Variants in NELL2 observed in about 807,000 individuals in gnomAD.
NELL2 encodes neural EGFL like 2.
In NELL2, 41 loss-of-function variants were observed where a neutral mutation model predicts 109.6. The observed-to-expected ratio is 0.37, with a 90% CI of 0.29 to 0.49. The LOEUF is 0.49. Among genes scored for constraint, NELL2 ranks in the 20% least tolerant of loss-of-function variants. NELL2 has a pLI of 0.98. For synonymous variants in NELL2, 355 were observed against 344.7 expected, an observed-to-expected ratio of 1.03 and a Z score of -0.33; for missense variants, 900 against 1,008.3, an observed-to-expected ratio of 0.89 and a Z score of 1.45.
At position 44,644,631 on chromosome 12, in the gene NELL2, C is replaced by T. The variant is rs35671073; in HGVS notation, c.1444+20853G>A. ...ATGTATATATATATATATATACATA[C>T]ATATATATATATATATATACACACA... is the stretch of plus-strand genomic sequence containing the variant. On this transcript the variant is annotated intron_variant, in intron 13 of 19. Transcript: ENST00000429094. Among the ~76,000 whole-genome samples the T allele has an allele frequency of 6.6e-3, 668 of 100,486 alleles. 3 individuals carry two copies. The highest frequency in any genetic ancestry group is 0.017 in the African/African-American group (448 of 26,174). The allele number at this position is 100,486 out of a possible 152,430, so 65.9% of individuals were successfully genotyped here.
intron 9 of NELL2, among the ~76,000 whole-genome samples, chr12:44,727,512 G>A (rs1352817400): frequency 6.6e-6 from 1 of 152,052 alleles, no homozygotes; most frequent in African/African-American, 2.4e-5. Flanking sequence ...TGGAAAAATG[G>A]AGAAGAAGAG....
rs1434631757 is a variant in NELL2, at chr12:44,888,993, G to A, written c.39-13093C>T. Among the ~76,000 whole-genome samples the A allele has an allele frequency of 2.6e-5, 4 of 151,988 alleles. 1 individual carries two copies. The highest frequency in any genetic ancestry group is 2.1e-4 in the South Asian group (1 of 4,830). On this transcript the variant is annotated intron_variant, in intron 1 of 20. Transcript: ENST00000333837. ...AGCCAGACACAAATTCCCTGCACCT[G>A]TTATCAGAGTTGCATAATAACTAAT...
At chr12:44,683,040 C>T (rs1366008767) in intron 12 of NELL2, among the ~76,000 whole-genome samples, 3 of 152,118 alleles carry the variant, frequency 2.0e-5, no homozygotes, top group Non-Finnish European at 4.4e-5. Flanking sequence ...ATTGATTCTT[C>T]CTACCCGTGA....
At chr12:44,864,015 T>C (rs1026247287) in intron 2 of NELL2, among the ~76,000 whole-genome samples, 1 of 152,070 alleles carries the variant, frequency 6.6e-6, no homozygotes, top group African/African-American at 2.4e-5. Flanking sequence ...CTACAAAATG[T>C]TTTACGTAAG....
chr12:44,632,383 C>A (rs1426205728), intron 13 of NELL2, among the ~76,000 whole-genome samples: 1 of 151,956 alleles, frequency 6.6e-6, no homozygotes, highest in African/African-American at 2.4e-5. Flanking sequence ...TAAATGCATA[C>A]ATTGGAAACA....
intron 15 of NELL2, among the ~76,000 whole-genome samples, chr12:44,599,203 C>T (rs1329944401): frequency 2.0e-5 from 3 of 152,006 alleles, no homozygotes; most frequent in African/African-American, 7.3e-5. Flanking sequence ...ACCAAAAGTC[C>T]AAAACATATG....
chr12:44,559,299 C>T (rs1301930878), intron 15 of NELL2, among the ~76,000 whole-genome samples: 1 of 152,274 alleles, frequency 6.6e-6, no homozygotes, highest in South Asian at 2.1e-4. Flanking sequence ...GCTAGCATCA[C>T]AATGACAGCA....
At chr12:44,785,366 T>C (rs1482977916) in intron 3 of NELL2, among the ~76,000 whole-genome samples, 1 of 151,224 alleles carries the variant, frequency 6.6e-6, no homozygotes, top group Non-Finnish European at 1.5e-5. Flanking sequence ...AAACCAATGC[T>C]GGAAATAAGA....
intron 15 of NELL2, among the ~76,000 whole-genome samples, chr12:44,548,289 C>T (rs970898922): frequency 6.6e-6 from 1 of 151,992 alleles, no homozygotes; most frequent in Non-Finnish European, 1.5e-5. Context: ...AAGAACATAA[C>T]ATAAGTGTTA....
chr12:44,875,415 T>C, intron 1 of NELL2, 62 bp from the exon 2 acceptor site: 2 of 1,613,820 alleles, frequency 1.2e-6, no homozygotes, highest in Non-Finnish European at 1.7e-6. Context: ...TGCAAGTCTC[T>C]TCCTCCAGGG....
chr12:44,743,814 C>T (rs1382767475), intron 9 of NELL2, among the ~76,000 whole-genome samples: 3 of 152,130 alleles, frequency 2.0e-5, no homozygotes, highest in Admixed American at 6.5e-5. Flanking sequence ...TCCTTAATGA[C>T]CTACAAAGAG....
chr12:44,790,477 C>G (rs1406064892), intron 3 of NELL2, among the ~76,000 whole-genome samples: 2 of 152,064 alleles, frequency 1.3e-5, no homozygotes. Flanking sequence ...CTAAAAGGAG[C>G]TCTAAATTTT....
chr12:44,678,604 C>T (rs1948393466), intron 12 of NELL2, among the ~76,000 whole-genome samples: 1 of 152,068 alleles, frequency 6.6e-6, no homozygotes, highest in Non-Finnish European at 1.5e-5. Context: ...CTCCCACATG[C>T]ATTGTGAGCT....
At chr12:44,621,578 T>C (rs774773438) in intron 13 of NELL2, among the ~76,000 whole-genome samples, 18 of 152,066 alleles carry the variant, frequency 1.2e-4, no homozygotes, top group Non-Finnish European at 2.1e-4. Flanking sequence ...ATAGGATCAA[T>C]AAAGATGCAA....
At chr12:44,870,439 G>A (rs192056292) in intron 2 of NELL2, among the ~76,000 whole-genome samples, 77 of 152,078 alleles carry the variant, frequency 5.1e-4, no homozygotes, top group African/African-American at 1.4e-3. Flanking sequence ...ATTTGTATTC[G>A]TTTCCTATTG....
chr12:44,804,488 T>G (rs2136659939), intron 3 of NELL2, among the ~76,000 whole-genome samples: 1 of 151,998 alleles, frequency 6.6e-6, no homozygotes, highest in East Asian at 1.9e-4. Flanking sequence ...AGATTTCACA[T>G]GGACTTTTTA....
intron 2 of NELL2, among the ~76,000 whole-genome samples, chr12:44,861,795 G>A: frequency 6.6e-6 from 1 of 152,210 alleles, no homozygotes; most frequent in Non-Finnish European, 1.5e-5. Flanking sequence ...GCCTGTCTGA[G>A]AACTCCAGCA....
chr12:44,872,054 C>G (rs892090675), intron 2 of NELL2, among the ~76,000 whole-genome samples: 16 of 152,252 alleles, frequency 1.1e-4, no homozygotes, highest in African/African-American at 3.6e-4. Context: ...TCTGTATACT[C>G]TCATTCCTGA....
intron 1 of NELL2, among the ~76,000 whole-genome samples, chr12:44,884,666 C>G (rs557009446): frequency 1.3e-5 from 2 of 152,064 alleles, no homozygotes; most frequent in South Asian, 4.2e-4. Context: ...TAAGTTATAT[C>G]TGGCAATATA....
Sources: gnomAD v4.1 joint callset for allele counts (sites outside exome capture counted in the v4.1 genomes callset) on GRCh38, gnomAD v4.1.1 for gene constraint, MANE v1.5 for transcripts, NCBI Gene and HGNC (gene_info 2026-07-23, HGNC 2026-07-21) for gene names.